ME3: variants seen among roughly 807,000 people sequenced by gnomAD.
ME3 encodes malic enzyme 3.
A neutral mutation model predicts 68.9 loss-of-function variants in ME3; 48 were observed. The ratio of observed to expected loss-of-function variants is 0.70; its 90% CI spans 0.55 to 0.89. ME3 has a LOEUF of 0.89. Among genes scored for constraint, ME3 ranks in the 40% least tolerant of loss-of-function variants. The probability of loss-of-function intolerance (pLI) is 0.00; values close to 1 mark genes in which losing one functional copy is unlikely to be tolerated. For synonymous variants in ME3, 320 were observed against 318.8 expected, an observed-to-expected ratio of 1.00 and a Z score of -0.04; for missense variants, 675 against 797.4, an observed-to-expected ratio of 0.85 and a Z score of 1.85.
intron 4 of ME3, among the ~76,000 whole-genome samples, chr11:86,545,687 A>T (rs1956320711): frequency 6.6e-6 from 1 of 152,238 alleles, no homozygotes; most frequent in South Asian, 2.1e-4. Context: ...ATGGAAAAAC[A>T]TTCCATGCTC....
chr11:86,463,799 T>G (rs1245683372), intron 8 of ME3, among the ~76,000 whole-genome samples: 1 of 152,224 alleles, frequency 6.6e-6, no homozygotes, highest in East Asian at 1.9e-4. Flanking sequence ...GCAACTTGGT[T>G]TGTAATATAA....
intron 6 of ME3, among the ~76,000 whole-genome samples, chr11:86,495,548 G>C (rs1198570036): frequency 6.6e-6 from 1 of 152,350 alleles, no homozygotes; most frequent in African/African-American, 2.4e-5. Flanking sequence ...AACACAGCAG[G>C]AGGTGTTGGA....
rs974536007 is a variant in ME3, at chr11:86,569,324, T to G, written c.184-9501A>C. ...CAGCCCTGTGTGTTCTTCCCACACA[T>G]GCATTCTGGCTGTTGCGCTTTGACT... On this transcript the variant is annotated intron_variant, in intron 2 of 14. Transcript: ENST00000543262. 2.0e-5 allele frequency among the ~76,000 whole-genome samples: 3 copies of G among 152,194 alleles called. No individual in the cohort carries two copies. In the East Asian group the frequency reaches 5.8e-4, roughly 29 times the overall value.
At chr11:86,509,711 A>C (rs570867042) in intron 4 of ME3, among the ~76,000 whole-genome samples, 1 of 151,200 alleles carries the variant, frequency 6.6e-6, no homozygotes, top group African/African-American at 2.4e-5. Flanking sequence ...CAATCTACCC[A>C]AATTATTGGC....
intron 4 of ME3, among the ~76,000 whole-genome samples, chr11:86,513,524 A>G (rs1398795189): frequency 6.6e-6 from 1 of 152,206 alleles, no homozygotes; most frequent in African/African-American, 2.4e-5. Context: ...GGTCCACCTG[A>G]ACCAGGATCC....
chr11:86,655,229 C>G (rs947780434), intron 2 of ME3, among the ~76,000 whole-genome samples: 13 of 152,228 alleles, frequency 8.5e-5, no homozygotes, highest in Admixed American at 1.3e-4. Context: ...ACTTTCTTCA[C>G]AGAATTGGAA....
At chr11:86,583,188 C>G (rs1467036800) in intron 2 of ME3, among the ~76,000 whole-genome samples, 1 of 152,166 alleles carries the variant, frequency 6.6e-6, no homozygotes, top group Admixed American at 6.6e-5. Context: ...TTCCCTCTTT[C>G]ATTTAATGAG....
chr11:86,556,963 T>A (rs981022985), intron 3 of ME3, among the ~76,000 whole-genome samples: 3 of 152,132 alleles, frequency 2.0e-5, no homozygotes, highest in Non-Finnish European at 4.4e-5. Flanking sequence ...GCTTGTGAAG[T>A]AGGGATTATA....
intron 4 of ME3, among the ~76,000 whole-genome samples, chr11:86,527,669 T>G (rs910580457): frequency 1.3e-5 from 2 of 152,138 alleles, no homozygotes; most frequent in Non-Finnish European, 2.9e-5. Flanking sequence ...TGGCAGAAAC[T>G]CTACAAGCCA....
At chr11:86,523,597 T>G (rs1451975185) in intron 4 of ME3, among the ~76,000 whole-genome samples, 3 of 152,214 alleles carry the variant, frequency 2.0e-5, no homozygotes, top group Non-Finnish European at 2.9e-5. Flanking sequence ...CAGAAAATAA[T>G]TGTTCCAGTT....
At chr11:86,651,433 C>T (rs1036700244) in intron 2 of ME3, among the ~76,000 whole-genome samples, 13 of 152,222 alleles carry the variant, frequency 8.5e-5, no homozygotes, top group Admixed American at 7.2e-4. Flanking sequence ...ATTTGCTGTT[C>T]ATCAATATCC....
At chr11:86,649,593 G>A (rs1367309637) in intron 2 of ME3, among the ~76,000 whole-genome samples, 2 of 152,188 alleles carry the variant, frequency 1.3e-5, no homozygotes, top group Non-Finnish European at 2.9e-5. Context: ...AACTCTTTAA[G>A]CTGACAAGCA....
At chr11:86,515,171 A>G (rs1164059454) in intron 4 of ME3, among the ~76,000 whole-genome samples, 1 of 152,212 alleles carries the variant, frequency 6.6e-6, no homozygotes. Flanking sequence ...CTAATTTTCC[A>G]TGTTCCCCGC....
At chr11:86,446,943 C>T in intron 12 of ME3, 122 bp downstream of exon 12, 3 of 1,331,852 alleles carry the variant, frequency 2.3e-6, no homozygotes, top group Non-Finnish European at 3.0e-6. Flanking sequence ...CATGTTACTT[C>T]ATCTTTCTGA....
In ME3 at chr11:86,524,028, C is replaced by T. The variant is rs74747613; in HGVS notation, c.468-15161G>A. Among the ~76,000 whole-genome samples, 803 of 152,264 alleles carry T rather than the reference C, an allele frequency of 5.3e-3. 5 individuals carry two copies. Among genetic ancestry groups the T allele is most frequent in the African/African-American group, 0.019 (771 of 41,548 alleles). On this transcript the variant is annotated intron_variant, in intron 4 of 14. Transcript: ENST00000543262. Reference sequence around the variant, plus strand: ...TCTTTTTCTACTAAAATATTTACTCCTTCAGAAATAATAATCAGAGGCTTT... The same window carrying T: ...TCTTTTTCTACTAAAATATTTACTCTTTCAGAAATAATAATCAGAGGCTTT...
intron 2 of ME3, among the ~76,000 whole-genome samples, chr11:86,630,296 G>A (rs1053284281): frequency 1.3e-5 from 2 of 152,144 alleles, no homozygotes; most frequent in Non-Finnish European, 2.9e-5. Flanking sequence ...GACTGACAGC[G>A]CTTGGTTGAA....
intron 2 of ME3, among the ~76,000 whole-genome samples, chr11:86,620,150 G>C (rs920276617): frequency 1.3e-5 from 2 of 152,086 alleles, no homozygotes; most frequent in African/African-American, 4.8e-5. Flanking sequence ...GCACGTACTA[G>C]ATGTTCAAAA....
At chr11:86,516,702 T>C (rs1953928609) in intron 4 of ME3, among the ~76,000 whole-genome samples, 1 of 152,226 alleles carries the variant, frequency 6.6e-6, no homozygotes, top group African/African-American at 2.4e-5. Flanking sequence ...AATATCTATA[T>C]CTAAAATTAT....
chr11:86,661,711 T>G (rs1946289205), intron 2 of ME3, among the ~76,000 whole-genome samples: 1 of 152,218 alleles, frequency 6.6e-6, no homozygotes, highest in African/African-American at 2.4e-5. Context: ...CTCTCTTCTG[T>G]GCTTCCATAG....
Sources: allele counts gnomAD v4.1 joint callset (sites outside exome capture counted in the v4.1 genomes callset), GRCh38; gene constraint gnomAD v4.1.1; transcripts MANE v1.5; gene names NCBI Gene and HGNC (gene_info 2026-07-23, HGNC 2026-07-21).